NALF1: variants seen among roughly 807,000 people sequenced by gnomAD.
NALF1 encodes NALCN channel auxiliary factor 1, also known as family with sequence similarity 155 member A.
In NALF1, 3 loss-of-function variants were observed where a neutral mutation model predicts 48.4. That is an observed-to-expected ratio of 0.06 (90% confidence interval 0.03 to 0.16). NALF1 has a LOEUF of 0.16. Ranked by LOEUF, NALF1 falls within the 10% of genes least tolerant of loss-of-function variation. NALF1 has a pLI of 1.00. For missense variants in NALF1, 526 were observed against 571.5 expected (o/e 0.92, Z 0.81); for synonymous variants, 262 against 245.7 (o/e 1.07, Z -0.62).
At chr13:107,522,782 T>A (rs1237028604) in intron 1 of NALF1, among the ~76,000 whole-genome samples, 1 of 151,316 alleles carries the variant, frequency 6.6e-6, no homozygotes, top group East Asian at 1.9e-4. Flanking sequence ...TTTTCTTTTT[T>A]TTCTTTTTTG....
intron 1 of NALF1, among the ~76,000 whole-genome samples, chr13:107,440,119 C>T (rs1884532138): frequency 6.6e-6 from 1 of 152,116 alleles, no homozygotes; most frequent in Non-Finnish European, 1.5e-5. Context: ...TTTTCTAGTT[C>T]AACAACCTTA....
At chr13:107,174,922 C>T (rs1251797025) in intron 2 of NALF1, among the ~76,000 whole-genome samples, 1 of 151,070 alleles carries the variant, frequency 6.6e-6, no homozygotes, top group African/African-American at 2.4e-5. Context: ...CTCGCTCTGT[C>T]GCCCAGGCTG....
intron 1 of NALF1, among the ~76,000 whole-genome samples, chr13:107,438,874 G>GTTTGATT (rs1348608835): frequency 7.8e-6 from 1 of 127,798 alleles, no homozygotes; most frequent in Non-Finnish European, 1.7e-5. Flanking sequence ...GGGTGTCGAT[G>GTTTGATT]TTTGATTTTT....
chr13:107,216,174 G>C (rs550953991), intron 1 of NALF1, among the ~76,000 whole-genome samples: 1 of 152,308 alleles, frequency 6.6e-6, no homozygotes, highest in South Asian at 2.1e-4. Context: ...CTAGCGGCCT[G>C]AGTTTTGGGT....
chr13:107,279,000 G>A (rs1023572562), intron 1 of NALF1, among the ~76,000 whole-genome samples: 2 of 147,828 alleles, frequency 1.4e-5, no homozygotes, highest in Non-Finnish European at 3.0e-5. Context: ...CTGGTTACCC[G>A]TCTATTCATT....
At chr13:107,265,660 C>A (rs573192804) in intron 1 of NALF1, among the ~76,000 whole-genome samples, 2 of 152,140 alleles carry the variant, frequency 1.3e-5, no homozygotes, top group Admixed American at 1.3e-4. Flanking sequence ...CCCGTCTTGG[C>A]CTCCCAAAGT....
At chr13:107,758,121 G>A (rs1877166056) in intron 1 of NALF1, among the ~76,000 whole-genome samples, 2 of 152,100 alleles carry the variant, frequency 1.3e-5, no homozygotes, top group Non-Finnish European at 2.9e-5. Context: ...TTCTGTTACT[G>A]AGGCAATGCA....
chr13:107,598,129 T>A lies in NALF1; in HGVS notation c.915+267553A>T, dbSNP rs150603945. On this transcript the variant is annotated intron_variant, in intron 1 of 2. Transcript: ENST00000375915. The stretch of plus-strand genomic sequence containing the variant: ...TTAGTATTTTGCTCTCTGTCCAGAA[T>A]TTGCTCTATGGACACACACAACATG... Among the ~76,000 whole-genome samples, 3 of 152,268 alleles carry A rather than the reference T, an allele frequency of 2.0e-5. No individual in the cohort carries two copies. In the East Asian group the frequency reaches 5.8e-4, roughly 29 times the overall value.
At chr13:107,634,551 CATAAA>C (rs2138451789) in intron 1 of NALF1, among the ~76,000 whole-genome samples, 1 of 152,124 alleles carries the variant, frequency 6.6e-6, no homozygotes, top group South Asian at 2.1e-4. Context: ...CTTGGAGTAA[CATAAA>C]ATACTTAGGA....
chr13:107,471,893 A>AG (rs1431769663), intron 1 of NALF1, among the ~76,000 whole-genome samples: 1 of 152,218 alleles, frequency 6.6e-6, no homozygotes, highest in Admixed American at 6.5e-5. Flanking sequence ...AGAAAAAGAG[A>AG]GGAATATGTT....
intron 1 of NALF1, among the ~76,000 whole-genome samples, chr13:107,395,480 C>T (rs1011827612): frequency 6.6e-6 from 1 of 152,096 alleles, no homozygotes; most frequent in Non-Finnish European, 1.5e-5. Flanking sequence ...CTTAGATTCA[C>T]CTTTAAGATT....
intron 2 of NALF1, among the ~76,000 whole-genome samples, chr13:107,204,964 T>G (rs1879604671): frequency 6.6e-6 from 1 of 152,136 alleles, no homozygotes; most frequent in Admixed American, 6.5e-5. Context: ...GAGGTATTTT[T>G]TTTTTCTACT....
At chr13:107,731,341 A>C (rs1287695063) in intron 1 of NALF1, among the ~76,000 whole-genome samples, 1 of 152,196 alleles carries the variant, frequency 6.6e-6, no homozygotes, top group Admixed American at 6.5e-5. Flanking sequence ...TCACAATAAA[A>C]CATTATACTT....
chr13:107,270,918 G>A (rs763508282), intron 1 of NALF1, among the ~76,000 whole-genome samples: 1 of 151,018 alleles, frequency 6.6e-6, no homozygotes, highest in African/African-American at 2.4e-5. Flanking sequence ...TGCGGTGTTT[G>A]GTTTTTTGTC....
chr13:107,299,720 G>A (rs1420741713), intron 1 of NALF1, among the ~76,000 whole-genome samples: 2 of 145,548 alleles, frequency 1.4e-5, no homozygotes, highest in Admixed American at 6.8e-5. Context: ...TTATTTATTC[G>A]ATTATGTATT....
chr13:107,432,247 G>C (rs1884395050), intron 1 of NALF1, among the ~76,000 whole-genome samples: 1 of 152,050 alleles, frequency 6.6e-6, no homozygotes, highest in Non-Finnish European at 1.5e-5. Context: ...TCTCCAAAGG[G>C]CTGACACCAA....
intron 2 of NALF1, among the ~76,000 whole-genome samples, chr13:107,200,985 C>T (rs1879501241): frequency 6.6e-6 from 1 of 152,118 alleles, no homozygotes; most frequent in South Asian, 2.1e-4. Context: ...TGAAAATGAA[C>T]ACTCATCCAG....
At chr13:107,333,424 T>C (rs1260644919) in intron 1 of NALF1, among the ~76,000 whole-genome samples, 1 of 152,152 alleles carries the variant, frequency 6.6e-6, no homozygotes, top group African/African-American at 2.4e-5. Flanking sequence ...AAAGGACGCA[T>C]GCTTACAATA....
intron 1 of NALF1, among the ~76,000 whole-genome samples, chr13:107,224,130 T>C (rs1305911850): frequency 6.6e-6 from 1 of 151,994 alleles, no homozygotes; most frequent in Non-Finnish European, 1.5e-5. Context: ...ATAAAATTGG[T>C]GGTAACATTG....
Sources: allele counts gnomAD v4.1 joint callset (sites outside exome capture counted in the v4.1 genomes callset), GRCh38; gene constraint gnomAD v4.1.1; transcripts MANE v1.5; gene names NCBI Gene and HGNC (gene_info 2026-07-23, HGNC 2026-07-21).